Variants in RNF17 observed in about 807,000 individuals in gnomAD.
The protein encoded by RNF17 is ring finger protein 17.
A neutral mutation model predicts 200.5 loss-of-function variants in RNF17; 31 were observed. The ratio of observed to expected loss-of-function variants is 0.15; its 90% CI spans 0.12 to 0.21. RNF17 has a LOEUF of 0.21. Ranked by LOEUF, RNF17 falls within the 10% of genes least tolerant of loss-of-function variation. RNF17 has a pLI of 1.00. For missense variants in RNF17, 1,628 were observed against 1,905.1 expected (o/e 0.85, Z 2.71); for synonymous variants, 606 against 637.8 (o/e 0.95, Z 0.75).
intron 18 of RNF17, among the ~76,000 whole-genome samples, chr13:24,833,121 A>G (rs1889598210): frequency 6.6e-6 from 1 of 152,114 alleles, no homozygotes. Context: ...GGCTTAATGA[A>G]TAGTAGTGCA....
intron 12 of RNF17, among the ~76,000 whole-genome samples, chr13:24,799,822 G>A (rs984732952): frequency 1.3e-5 from 2 of 152,006 alleles, no homozygotes; most frequent in African/African-American, 4.8e-5. Flanking sequence ...CTCTTCTTAT[G>A]TCACTTTAAA....
intron 25 of RNF17, among the ~76,000 whole-genome samples, chr13:24,855,414 G>C (rs1160360195): frequency 1.3e-5 from 2 of 152,100 alleles, no homozygotes; most frequent in East Asian, 3.9e-4. Flanking sequence ...TGGATCACAA[G>C]GTCAGGAGTT....
chr13:24,799,311 G>A (rs371511263), intron 11 of RNF17, 84 bp from the exon 12 acceptor site: 14 of 1,010,234 alleles, frequency 1.4e-5, no homozygotes, highest in Admixed American at 6.6e-5. Context: ...AGACTTTTTC[G>A]TGGTAGAACT....
In RNF17 at chr13:24,853,744, G is replaced by A. The variant is rs944495940; in HGVS notation, c.3321-111G>A. ...GCTAATTTTTATGTAACAAATTAGA[G>A]CAAATATTTTCTTTCAATTTCATGT... On this transcript the variant is annotated intron_variant, in intron 24 of 35. Coordinates refer to ENST00000255324, the MANE Select transcript of RNF17 (RefSeq NM_031277.3). 25 of 753,254 alleles carry A rather than the reference G, an allele frequency of 3.3e-5. No homozygotes were observed. In the East Asian group the frequency reaches 5.4e-4, roughly 16 times the overall value. 46.7% of individuals were successfully genotyped at this position (753,254 alleles called of 1,614,324 possible).
chr13:24,794,591 C>G (rs1252171730), intron 10 of RNF17, among the ~76,000 whole-genome samples: 1 of 152,130 alleles, frequency 6.6e-6, no homozygotes, highest in African/African-American at 2.4e-5. Context: ...GGGAGGATCA[C>G]TTGAGCCTGG....
chr13:24,750,390 G>T, the RNF17 span, among the ~76,000 whole-genome samples: 1 of 152,098 alleles, frequency 6.6e-6, no homozygotes, highest in Non-Finnish European at 1.5e-5. Context: ...ACTGAGTCAT[G>T]CAACCATCAC....
At chr13:24,762,995 C>T (rs1292918024), upstream of RNF17, among the ~76,000 whole-genome samples, 1 of 152,148 alleles carries the variant, frequency 6.6e-6, no homozygotes, top group Non-Finnish European at 1.5e-5. Flanking sequence ...CTTCCATCTA[C>T]CTTCCCTCAC....
upstream of RNF17, among the ~76,000 whole-genome samples, chr13:24,761,409 G>A (rs894676441): frequency 7.2e-5 from 11 of 152,200 alleles, no homozygotes; most frequent in African/African-American, 2.2e-4. Context: ...TTAGCTCTGT[G>A]ACTGCATAGT....
chr13:24,843,050 A>G (rs1426309549), intron 19 of RNF17, among the ~76,000 whole-genome samples: 1 of 152,020 alleles, frequency 6.6e-6, no homozygotes, highest in Admixed American at 6.6e-5. Context: ...GCCTGTCAGC[A>G]TAAGCCAAAG....
At chr13:24,832,238 T>C (rs1452462899) in intron 18 of RNF17, among the ~76,000 whole-genome samples, 1 of 152,208 alleles carries the variant, frequency 6.6e-6, no homozygotes, top group African/African-American at 2.4e-5. Flanking sequence ...TTCTTTTATT[T>C]GTTTGCATTT....
chr13:24,827,290 CTAAGA>C (rs149944753), intron 16 of RNF17, among the ~76,000 whole-genome samples: 2,320 of 152,042 alleles, frequency 0.015, 59 homozygotes, highest in East Asian at 0.08. Flanking sequence ...TTAAGGTAAT[CTAAGA>C]TCTTTACAAA....
intron 10 of RNF17, chr13:24,794,369 A>G (rs982888110): frequency 1.8e-5 from 6 of 337,234 alleles, no homozygotes; most frequent in Non-Finnish European, 3.5e-5. Context: ...ATTACTTTCT[A>G]ATGTTAAAAG....
intron 27 of RNF17, among the ~76,000 whole-genome samples, chr13:24,861,611 A>G (rs1254498069): frequency 6.6e-6 from 1 of 152,234 alleles, no homozygotes; most frequent in Non-Finnish European, 1.5e-5. Context: ...ACATGTTCAT[A>G]AGTAGGAAGG....
At chr13:24,876,875 T>C (rs1894916717) in intron 33 of RNF17, 122 bp from the exon 34 acceptor site, 3 of 670,260 alleles carry the variant, frequency 4.5e-6, no homozygotes, top group East Asian at 3.0e-5. Context: ...GCTTTTGGTG[T>C]CGTATCCAAA....
chr13:24,828,266 C>CAAAAG (rs1472715355), intron 16 of RNF17, among the ~76,000 whole-genome samples: 1 of 152,020 alleles, frequency 6.6e-6, no homozygotes, highest in Non-Finnish European at 1.5e-5. Context: ...ATTAGCACCA[C>CAAAAG]TTTTGGGGTG....
chr13:24,842,942 G>A (rs1487107008), intron 19 of RNF17, among the ~76,000 whole-genome samples: 5 of 151,110 alleles, frequency 3.3e-5, no homozygotes, highest in Non-Finnish European at 5.9e-5. Flanking sequence ...AGCTGAGATT[G>A]TGTCACTGCA....
At chr13:24,824,216 G>C (rs1818282522) in intron 15 of RNF17, 2 of 713,138 alleles carry the variant, frequency 2.8e-6, no homozygotes, top group Non-Finnish European at 5.2e-6. Flanking sequence ...TAATAAAGTT[G>C]GTTGAGACAC....
At chr13:24,837,869 A>G (rs1890177269) in intron 18 of RNF17, among the ~76,000 whole-genome samples, 1 of 152,206 alleles carries the variant, frequency 6.6e-6, no homozygotes, top group African/African-American at 2.4e-5. Flanking sequence ...CAAACAAAAA[A>G]TACAAAAGAT....
intron 25 of RNF17, among the ~76,000 whole-genome samples, chr13:24,858,537 A>C (rs1175520552): frequency 1.4e-5 from 2 of 147,892 alleles, no homozygotes; most frequent in Non-Finnish European, 3.0e-5. Context: ...GGGAATGGTA[A>C]CTGACTCCAG....
Sources: gnomAD v4.1 joint callset for allele counts (sites outside exome capture counted in the v4.1 genomes callset) on GRCh38, gnomAD v4.1.1 for gene constraint, MANE v1.5 for transcripts, NCBI Gene and HGNC (gene_info 2026-07-23, HGNC 2026-07-21) for gene names.